Variants in DNA2 observed in about 807,000 individuals in gnomAD.
DNA2 encodes DNA replication helicase/nuclease 2.
A neutral mutation model predicts 119.1 loss-of-function variants in DNA2; 101 were observed. The ratio of observed to expected loss-of-function variants is 0.85; its 90% confidence interval spans 0.72 to 1.00. The LOEUF is 1.00. DNA2 is among the 50% of genes least tolerant of loss of function. The probability of loss-of-function intolerance (pLI) is 0.00; values close to 1 mark genes in which losing one functional copy is unlikely to be tolerated. For missense variants in DNA2, 1,121 were observed against 1,255.5 expected, an observed-to-expected ratio of 0.89 and a Z score of 1.62; for synonymous variants, 366 against 424.4, an observed-to-expected ratio of 0.86 and a Z score of 1.69.
chr10:68,422,564 G>C lies in DNA2; in HGVS notation c.2443C>G (p.Gln815Glu). ...MSESLFKRLE[Q>E]NKSAVVQLTV... ...AACTGTACAACAGCACTCTTATTCT[G>C]CTCCAGCCTCTTGAATAAGCTTTCA... The change falls in exon 16 of 21, where the codon CAG (glutamine) becomes GAG (glutamate). Residue 815 changes from glutamine (Q) to glutamate (E), a missense_variant. By Grantham distance (29) the Gln-to-Glu change is conservative (BLOSUM62 2). Transcript: ENST00000358410. The C allele has an allele frequency of 6.2e-7, 1 of 1,613,960 alleles. No individual in the cohort carries two copies. Among genetic ancestry groups the C allele is most frequent in the Non-Finnish European group, 8.5e-7 (1 of 1,179,880 alleles).
At chr10:68,452,348 C>A (rs1009267158) in intron 5 of DNA2, among the ~76,000 whole-genome samples, 3 of 152,176 alleles carry the variant, frequency 2.0e-5, no homozygotes, top group African/African-American at 7.2e-5. Context: ...GCTGGAATTA[C>A]AAGCAAGATC....
intron 14 of DNA2, 86 bp from the exon 15 acceptor site, chr10:68,422,976 A>C: frequency 9.6e-7 from 1 of 1,046,786 alleles, no homozygotes; most frequent in Non-Finnish European, 1.4e-6. Context: ...AAAAGATCAA[A>C]AGGTTTTTGT....
Position 68,461,207 on chromosome 10 carries a change from C to T in DNA2, c.588-1972G>A, listed in dbSNP as rs117244523. On this transcript the variant is annotated intron_variant, in intron 4 of 20. Transcript: ENST00000358410. ...ACAAAAAAACTAAGTCTCAATTTTT[C>T]AGGGTTCTTACAAGGTCAAAATTAT... Among the ~76,000 whole-genome samples, 39 of 152,256 alleles carry T rather than the reference C, an allele frequency of 2.6e-4. No individual in the cohort carries two copies. In the East Asian group the frequency reaches 7.3e-3, roughly 29 times the overall value.
intron 14 of DNA2, among the ~76,000 whole-genome samples, chr10:68,430,179 C>T (rs886165886): frequency 2.6e-5 from 4 of 152,126 alleles, no homozygotes; most frequent in Admixed American, 2.6e-4. Flanking sequence ...GCCATCGCAC[C>T]TGGCTGAAAC....
chr10:68,451,054 C>T (rs187081157), intron 5 of DNA2, among the ~76,000 whole-genome samples: 3 of 147,396 alleles, frequency 2.0e-5, no homozygotes, highest in Non-Finnish European at 4.4e-5. Context: ...GAGCCAAGAT[C>T]GTGCCACTGC....
intron 4 of DNA2, 30 bp from the exon 5 acceptor site, chr10:68,459,265 A>C (rs2052225525): frequency 6.7e-7 from 1 of 1,500,814 alleles, no homozygotes; most frequent in Non-Finnish European, 8.9e-7. Context: ...AAATAGACTT[A>C]GACTTAAGCG....
intron 1 of DNA2, among the ~76,000 whole-genome samples, chr10:68,471,579 C>T (rs1338915494): frequency 6.6e-6 from 1 of 152,076 alleles, no homozygotes; most frequent in Admixed American, 6.6e-5. Flanking sequence ...AACTGCTCGG[C>T]GAGGGAGAGT....
At chr10:68,460,606 C>T (rs2052244675) in intron 4 of DNA2, among the ~76,000 whole-genome samples, 1 of 152,136 alleles carries the variant, frequency 6.6e-6, no homozygotes, top group South Asian at 2.1e-4. Context: ...CGGGGTTTCA[C>T]CATGTTGGCC....
At chr10:68,434,921 T>A (rs1416021231) in intron 10 of DNA2, among the ~76,000 whole-genome samples, 3 of 152,196 alleles carry the variant, frequency 2.0e-5, no homozygotes, top group Non-Finnish European at 1.5e-5. Context: ...ATTGCTGACC[T>A]CTATCCATTA....
chr10:68,416,558 A>C (rs2051591923), intron 20 of DNA2, 151 bp downstream of exon 20: 1 of 686,160 alleles, frequency 1.5e-6, no homozygotes, highest in Admixed American at 2.7e-5. Context: ...CTGTAATCAC[A>C]GCACTTTGGG....
intron 10 of DNA2, among the ~76,000 whole-genome samples, chr10:68,435,930 G>A (rs976829151): frequency 1.3e-5 from 2 of 152,204 alleles, no homozygotes; most frequent in Admixed American, 6.6e-5. Context: ...CATCTATGCT[G>A]TCTGCTATAC....
At chr10:68,422,927 T>C in intron 14 of DNA2, 37 bp from the exon 15 acceptor site, 2 of 1,410,716 alleles carry the variant, frequency 1.4e-6, no homozygotes, top group South Asian at 3.0e-5. Context: ...ATTTAACATG[T>C]AAAAGAAATG....
chr10:68,423,535 A>G (rs1444518186), intron 14 of DNA2, among the ~76,000 whole-genome samples: 2 of 152,188 alleles, frequency 1.3e-5, no homozygotes, highest in Non-Finnish European at 2.9e-5. Flanking sequence ...CTTTCACACA[A>G]TAACTACTCT....
chr10:68,423,648 C>G (rs2051695788), intron 14 of DNA2, among the ~76,000 whole-genome samples: 1 of 152,134 alleles, frequency 6.6e-6, no homozygotes, highest in South Asian at 2.1e-4. Flanking sequence ...AACAAGGTGC[C>G]CCACACCCCA....
At chr10:68,452,675 G>A (rs921573403) in intron 5 of DNA2, among the ~76,000 whole-genome samples, 1 of 150,372 alleles carries the variant, frequency 6.7e-6, no homozygotes, top group African/African-American at 2.4e-5. Flanking sequence ...GGGCTCAAGA[G>A]ATCCTCCCGC....
At position 68,460,060 on chromosome 10, in the gene DNA2, CAT is replaced by C. The variant is rs1491068545; in HGVS notation, c.588-827_588-826del. ...ACACACACACACACACACACACACA[CAT>C]ACAAGTTAACATGGTAATTTTTTTT... On this transcript the variant is annotated intron_variant, in intron 4 of 20. Coordinates refer to ENST00000358410, the MANE Select transcript of DNA2 (RefSeq NM_001080449.3). 4.1e-3 allele frequency among the ~76,000 whole-genome samples: 612 copies of C among 150,982 alleles called. 8 individuals carry two copies. The highest frequency in any genetic ancestry group is 0.014 in the African/African-American group (589 of 41,004).
intron 14 of DNA2, among the ~76,000 whole-genome samples, chr10:68,423,695 G>A (rs189899190): frequency 9.9e-4 from 151 of 152,298 alleles, no homozygotes; most frequent in African/African-American, 3.4e-3. Context: ...TAGGGAGTCA[G>A]GTCTTTCATC....
At chr10:68,465,362 T>C (rs1268793386) in intron 4 of DNA2, among the ~76,000 whole-genome samples, 1 of 152,144 alleles carries the variant, frequency 6.6e-6, no homozygotes, top group Non-Finnish European at 1.5e-5. Flanking sequence ...CCCAACCCCA[T>C]ATAATTCTCA....
At chr10:68,428,330 T>TA (rs905773521) in intron 14 of DNA2, among the ~76,000 whole-genome samples, 24 of 149,984 alleles carry the variant, frequency 1.6e-4, no homozygotes, top group Non-Finnish European at 5.9e-5. Flanking sequence ...CGTCTCAAAA[T>TA]AAAAAAAAAT....
Sources: gnomAD v4.1 joint callset for allele counts (sites outside exome capture counted in the v4.1 genomes callset) on GRCh38, gnomAD v4.1.1 for gene constraint, MANE v1.5 for transcripts, NCBI Gene and HGNC (gene_info 2026-07-23, HGNC 2026-07-21) for gene names.